Variants in DUOX1 observed in about 807,000 individuals in gnomAD.
The protein encoded by DUOX1 is dual oxidase 1, also known as NADPH thyroid oxidase 1.
DUOX1 carries 134 observed loss-of-function variants against 181.8 expected under a neutral mutation model. That is an observed-to-expected ratio of 0.74 (90% CI 0.64 to 0.85). DUOX1 has a LOEUF of 0.85. Among genes scored for constraint, DUOX1 ranks in the 40% least tolerant of loss-of-function variants. DUOX1 has a pLI of 0.00. For synonymous variants in DUOX1, 798 were observed against 832.5 expected, an observed-to-expected ratio of 0.96 and a Z score of 0.71; for missense variants, 1,814 against 2,064.4, an observed-to-expected ratio of 0.88 and a Z score of 2.35.
intron 11 of DUOX1, 61 bp from the exon 12 acceptor site, chr15:45,139,366 G>A (rs1473384001): frequency 1.3e-6 from 2 of 1,597,792 alleles, no homozygotes. Flanking sequence ...CTTGGGGCCT[G>A]GACTGGACAC....
At position 45,164,764 on chromosome 15, in the gene DUOX1, T is replaced by C. The variant is rs1349886724; in HGVS notation, c.4534-15T>C. ...TGAGCAAAGAGTTAGCCTCCACTTA[T>C]TCCTCCTGCAACAGGTCCGGAAGAT... On this transcript the variant is annotated splice_polypyrimidine_tract_variant and intron_variant, in intron 33 of 33. Transcript: ENST00000389037. The C allele has an allele frequency of 1.9e-6, 3 of 1,614,098 alleles. 1 individual carries two copies. The highest frequency in any genetic ancestry group is 2.2e-5 in the South Asian group (2 of 91,090).
intron 16 of DUOX1, 75 bp downstream of exon 16, chr15:45,143,378 C>A: frequency 8.1e-7 from 1 of 1,237,994 alleles, no homozygotes; most frequent in Non-Finnish European, 1.2e-6. Context: ...TCCACCCCAG[C>A]AGCCTAAGGA....
In DUOX1 at chr15:45,138,955, A is replaced by G. The variant is rs563172078; in HGVS notation, c.1114-111A>G. The G allele has an allele frequency of 6.1e-6, 6 of 977,786 alleles. No homozygotes were observed. The Admixed American group carries it at 1.3e-4, about 21-fold the overall frequency. The allele number at this position is 977,786 out of a possible 1,614,324, so 60.6% of individuals were successfully genotyped here. On this transcript the variant is annotated intron_variant, in intron 10 of 33. Transcript: ENST00000389037. ...ATGTCCCACCGGTTTGGGAGCAAAC[A>G]GCAGGACTGGGTGGGCTCAGGGATA...
At chr15:45,132,211 T>C (rs1204683024) in intron 2 of DUOX1, among the ~76,000 whole-genome samples, 187 bp downstream of exon 2, 1 of 152,248 alleles carries the variant, frequency 6.6e-6, no homozygotes, top group African/African-American at 2.4e-5. Context: ...GAATGAAAAT[T>C]ATCCCCAAAT....
Position 45,151,138 on chromosome 15 carries a change from G to C in DUOX1, c.2904G>C (p.Val968=), listed in dbSNP as rs768932153. The C allele has an allele frequency of 6.2e-7, 1 of 1,614,180 alleles. No homozygotes were observed. The highest frequency in any genetic ancestry group is 8.5e-7 in the Non-Finnish European group (1 of 1,180,022). The change falls in exon 23 of 34, where the codon GTG becomes GTC. Residue 968 remains valine, a synonymous_variant. Coordinates refer to ENST00000389037, the MANE Select transcript of DUOX1 (RefSeq NM_175940.3). ...CTTGTCTTAGTCCCTCTCCCAGAGT[G>C]AGTGCCCGCTGTTCCCGCAGCGACA... The part of the protein sequence containing the change: ...SQDMICPSPR[V]SARCSRSDIE...
Position 45,136,331 on chromosome 15 carries a change from G to T in DUOX1, c.865-19G>T, listed in dbSNP as rs372501889. ...CCCCATCCAACTCGTGCCTCCCCTC[G>T]CCCCTCTCTGCCCCTCAGAACATCG... On this transcript the variant is annotated intron_variant, in intron 7 of 33. Transcript: ENST00000389037. 1.2e-6 allele frequency: 2 copies of T among 1,612,824 alleles called. No individual in the cohort carries two copies. Among genetic ancestry groups the T allele is most frequent in the South Asian group, 2.2e-5 (2 of 91,018 alleles).
chr15:45,141,322 C>A lies in DUOX1; in HGVS notation c.1596C>A (p.Ile532=), dbSNP rs1595580760. 6.2e-7 allele frequency: 1 copy of A among 1,614,228 alleles called. No individual in the cohort carries two copies. Among genetic ancestry groups the A allele is most frequent in the Non-Finnish European group, 8.5e-7 (1 of 1,180,044 alleles). Residue 532 remains isoleucine, a synonymous_variant, in exon 14 of 34, where the codon ATC becomes ATA. Coordinates refer to ENST00000389037, the MANE Select transcript of DUOX1 (RefSeq NM_175940.3). ...TCTCCAAGAAGGAGATTGAAGAAATCCGAAATACCACCCTGCAGGACGTGC... is the reference window on the plus strand; with the variant it reads ...TCTCCAAGAAGGAGATTGAAGAAATACGAAATACCACCCTGCAGGACGTGC... The part of the protein sequence containing the change: ...GLFSKKEIEE[I]RNTTLQDVLV...
chr15:45,155,951 C>T (rs1461341232), intron 28 of DUOX1, 22 bp downstream of exon 28: 4 of 1,614,086 alleles, frequency 2.5e-6, no homozygotes, highest in Non-Finnish European at 3.4e-6. Flanking sequence ...TGGCTGTGAG[C>T]CAGGCCAGGA....
intron 28 of DUOX1, among the ~76,000 whole-genome samples, chr15:45,159,835 G>C (rs896924204): frequency 1.7e-4 from 26 of 152,192 alleles, no homozygotes; most frequent in African/African-American, 6.3e-4. Flanking sequence ...GAAAACGACA[G>C]TAAACATGTA....
At chr15:45,138,078 ATGTGTGTG>A (rs72204897) in intron 10 of DUOX1, 64 bp downstream of exon 10, 10 of 548,746 alleles carry the variant, frequency 1.8e-5, no homozygotes, top group South Asian at 4.3e-5. Flanking sequence ...GTGTGTGTGT[ATGTGTGTG>A]TGTGTGTGTG....
Position 45,165,153 on chromosome 15 carries a change from T to C in DUOX1, c.*252T>C, listed in dbSNP as rs1897197206. 1 of 542,654 alleles carries C rather than the reference T, an allele frequency of 1.8e-6. No homozygotes were observed. Among genetic ancestry groups the C allele is most frequent in the Non-Finnish European group, 3.3e-6 (1 of 304,808 alleles). 33.6% of individuals were successfully genotyped at this position (542,654 alleles called of 1,614,324 possible). ...AGTGAGAAGTAGGGGAGCTACTGAT[T>C]TGGGGCAAAGTGAAACCTCTGCTTC... On this transcript the variant is annotated 3_prime_UTR_variant, in exon 34 of 34. Coordinates refer to ENST00000389037, the MANE Select transcript of DUOX1 (RefSeq NM_175940.3).
chr15:45,139,196 G>T (rs910068669), intron 11 of DUOX1, 28 bp downstream of exon 11: 6 of 1,613,890 alleles, frequency 3.7e-6, no homozygotes, highest in Non-Finnish European at 5.1e-6. Context: ...CCTGCAGGTT[G>T]TGAACTCCTG....
intron 27 of DUOX1, 106 bp downstream of exon 27, chr15:45,154,106 G>T (rs1056093015): frequency 9.4e-7 from 1 of 1,060,386 alleles, no homozygotes; most frequent in Non-Finnish European, 1.5e-6. Context: ...CAGCTCTTCC[G>T]GTGACCCAGG....
intron 18 of DUOX1, among the ~76,000 whole-genome samples, chr15:45,147,162 A>T (rs1327915509): frequency 6.6e-6 from 1 of 152,220 alleles, no homozygotes; most frequent in Non-Finnish European, 1.5e-5. Flanking sequence ...ACTTGGAGGA[A>T]GAGAGTGGTC....
chr15:45,147,395 T>TGTC, intron 18 of DUOX1, 38 bp from the exon 19 acceptor site: 2 of 1,599,076 alleles, frequency 1.3e-6, no homozygotes, highest in Non-Finnish European at 1.7e-6. Context: ...AAGGAAGCCT[T>TGTC]GTCTCCTCTC....
intron 31 of DUOX1, among the ~76,000 whole-genome samples, chr15:45,162,993 C>A (rs1897145606): frequency 2.0e-5 from 3 of 152,230 alleles, no homozygotes; most frequent in Non-Finnish European, 4.4e-5. Context: ...CATGTGCTGT[C>A]AGCATTCAGA....
At position 45,154,005 on chromosome 15, in the gene DUOX1, G is replaced by C; in HGVS notation, c.3574+5G>C. The C allele has an allele frequency of 6.2e-7, 1 of 1,613,418 alleles. No homozygotes were observed. The highest frequency in any genetic ancestry group is 8.5e-7 in the Non-Finnish European group (1 of 1,179,420). On this transcript the variant is annotated splice_donor_5th_base_variant and intron_variant, in intron 27 of 33. Coordinates refer to ENST00000389037, the MANE Select transcript of DUOX1 (RefSeq NM_175940.3). ...GGTTCTTCCAGACCGTACCAGGTGA[G>C]AACCCTCCTTGATCCATGAATTTCT...
intron 28 of DUOX1, among the ~76,000 whole-genome samples, chr15:45,158,144 T>C (rs570977377): frequency 5.9e-5 from 9 of 152,270 alleles, no homozygotes; most frequent in Admixed American, 2.6e-4. Context: ...AGCAGCCTTG[T>C]GGTTTAAAAG....
chr15:45,148,504 C>A, intron 21 of DUOX1, 57 bp downstream of exon 21: 1 of 1,536,628 alleles, frequency 6.5e-7, no homozygotes. Flanking sequence ...AGGCACAATG[C>A]CCACATACTT....
Sources: gnomAD v4.1 joint callset for allele counts (sites outside exome capture counted in the v4.1 genomes callset) on GRCh38, gnomAD v4.1.1 for gene constraint, MANE v1.5 for transcripts, NCBI Gene and HGNC (gene_info 2026-07-23, HGNC 2026-07-21) for gene names.